TNIP2: variants seen among roughly 807,000 people sequenced by gnomAD.
TNIP2 encodes TNFAIP3-interacting protein 2.
A neutral mutation model predicts 43.7 loss-of-function variants in TNIP2; 30 were observed. That is an observed-to-expected ratio of 0.69 (90% CI 0.51 to 0.93). The LOEUF (loss-of-function observed/expected upper bound fraction) is 0.93. Ranked by LOEUF, TNIP2 falls within the 40% of genes least tolerant of loss-of-function variation. TNIP2 has a pLI of 0.00. For missense variants in TNIP2, 599 were observed against 591.0 expected (o/e 1.01, Z -0.14); for synonymous variants, 260 against 254.6 (o/e 1.02, Z -0.20).
In TNIP2 at chr4:2,745,541, T is replaced by C. The variant is rs1035292274; in HGVS notation, c.568-6A>G. On this transcript the variant is annotated splice_region_variant and splice_polypyrimidine_tract_variant and intron_variant, in intron 2 of 5. Coordinates refer to ENST00000315423, the MANE Select transcript of TNIP2 (RefSeq NM_024309.4). ...TGCCCATCTGTGTGTTCCGACTGCA[T>C]GAGGAAGGGACAGAGAGAAGACACT... 4.4e-6 allele frequency: 7 copies of C among 1,608,178 alleles called. No homozygotes were observed. In the Admixed American group the frequency reaches 1.0e-4, roughly 23 times the overall value.
rs765736105 is a variant in TNIP2, at chr4:2,745,443, C to T, written c.657+3G>A. On this transcript the variant is annotated splice_donor_region_variant and intron_variant, in intron 3 of 5. Coordinates refer to ENST00000315423, the MANE Select transcript of TNIP2 (RefSeq NM_024309.4). ...TCTCAAACGAAATGTGAAAGACACT[C>T]ACGTGAGTCACCTTCTGTTTTAACA... 3 of 1,605,730 alleles carry T rather than the reference C, an allele frequency of 1.9e-6. No individual in the cohort carries two copies. The highest frequency in any genetic ancestry group is 1.7e-5 in the Admixed American group (1 of 59,874).
intron 5 of TNIP2, among the ~76,000 whole-genome samples, chr4:2,743,500 C>A (rs1435745809): frequency 2.6e-5 from 4 of 152,212 alleles, no homozygotes; most frequent in Non-Finnish European, 4.4e-5. Flanking sequence ...GGGTTAGTCC[C>A]ATAGTCCACC....
chr4:2,750,397 G>GATGATTATTATT (rs752280612), intron 1 of TNIP2, among the ~76,000 whole-genome samples: 1 of 145,642 alleles, frequency 6.9e-6, no homozygotes, highest in Admixed American at 6.8e-5. Context: ...CGAGAACCCT[G>GATGATTATTATT]ATTATTATTA....
rs775944936 is a variant in TNIP2 at position 2,747,636 on chromosome 4, T to C, written c.567+19A>G. On this transcript the variant is annotated intron_variant, in intron 2 of 5. Transcript: ENST00000315423. ...GCACACAGAGGTCTTCCCCACACTC[T>C]GCTTACACTGTGGCCTACCTGGTCA... 11 of 1,586,072 alleles carry C rather than the reference T, an allele frequency of 6.9e-6. No homozygotes were observed. Among genetic ancestry groups the C allele is most frequent in the Non-Finnish European group, 6.0e-6 (7 of 1,170,834 alleles).
rs144425522 is a variant in TNIP2 at position 2,742,488 on chromosome 4, G to A, written c.1059C>T (p.His353=). 129 of 1,601,708 alleles carry A rather than the reference G, an allele frequency of 8.1e-5. No homozygotes were observed. In the East Asian group the frequency reaches 2.2e-3, roughly 27 times the overall value. Reference sequence around the variant, plus strand: ...AATACTTGGCAGTTTTGCTCCCAGCGTGAATCCGGCCGGCGTCTGGCTCTC... The same window carrying A: ...AATACTTGGCAGTTTTGCTCCCAGCATGAATCCGGCCGGCGTCTGGCTCTC... ...DSREPDAGRI[H]AGSKTAKYLA... The change falls in exon 6 of 6, where the codon CAC becomes CAT. Residue 353 remains histidine (H), a synonymous_variant. Coordinates refer to ENST00000315423, the MANE Select transcript of TNIP2 (RefSeq NM_024309.4).
At chr4:2,755,751 C>T (rs1426313972) in intron 1 of TNIP2, among the ~76,000 whole-genome samples, 2 of 133,294 alleles carry the variant, frequency 1.5e-5, no homozygotes, top group Non-Finnish European at 3.3e-5. Flanking sequence ...CCCCAGGACC[C>T]GGCACCCCCT....
In TNIP2 at chr4:2,747,745, G is replaced by A. The variant is rs540361276; in HGVS notation, c.477C>T (p.Thr159=). 10 of 1,609,030 alleles carry A rather than the reference G, an allele frequency of 6.2e-6. No homozygotes were observed. The highest frequency in any genetic ancestry group is 2.2e-5 in the South Asian group (2 of 91,088). ...NETHQLRRTL[T]ATAHMCQHLA... ...GATGCTGACACATGTGGGCGGTGGCGGTCAGCGTCCTCCGCAGCTGATGGG... is the reference window on the plus strand; with the variant it reads ...GATGCTGACACATGTGGGCGGTGGCAGTCAGCGTCCTCCGCAGCTGATGGG... The change falls in exon 2 of 6, where the codon ACC becomes ACT. Residue 159 remains threonine (T), a synonymous_variant. Transcript: ENST00000315423.
At chr4:2,745,716 A>C (rs761192491) in intron 2 of TNIP2, among the ~76,000 whole-genome samples, 181 bp from the exon 3 acceptor site, 2 of 152,080 alleles carry the variant, frequency 1.3e-5, no homozygotes, top group African/African-American at 2.4e-5. Flanking sequence ...GCCCAGGCCC[A>C]CCCCACCTGG....
chr4:2,756,278 G>A lies in TNIP2; in HGVS notation c.12C>T (p.Asp4=), dbSNP rs1188480271. 5 of 1,415,690 alleles carry A rather than the reference G, an allele frequency of 3.5e-6. No individual in the cohort carries two copies. In the South Asian group the frequency reaches 4.3e-5, roughly 12 times the overall value. The allele number at this position is 1,415,690 out of a possible 1,614,324, so 87.7% of individuals were successfully genotyped here. A position where few individuals can be genotyped will look rare whatever the true frequency, so the allele number is the denominator to read the frequency against. Reference sequence around the variant, plus strand: ...CCTCCTCCCAGCCGCCCGACCCCGGGTCCCGGGACATGGCTGTAGGCCCGC... The same window carrying A: ...CCTCCTCCCAGCCGCCCGACCCCGGATCCCGGGACATGGCTGTAGGCCCGC... MSR[D]PGSGGWEEAP... The change falls in exon 1 of 6, where the codon GAC becomes GAT. Residue 4 remains aspartate (D), a synonymous_variant. Transcript: ENST00000315423.
chr4:2,751,783 G>C (rs1349476061), intron 1 of TNIP2, among the ~76,000 whole-genome samples: 1 of 149,664 alleles, frequency 6.7e-6, no homozygotes, highest in East Asian at 2.0e-4. Context: ...AGAGGGGAGG[G>C]GAGGGGAGGA....
In TNIP2 at chr4:2,744,935, A is replaced by G. The variant is rs779160334; in HGVS notation, c.668T>C (p.Leu223Pro). 1.2e-6 allele frequency: 2 copies of G among 1,606,160 alleles called. No homozygotes were observed. Among genetic ancestry groups the G allele is most frequent in the Non-Finnish European group, 1.7e-6 (2 of 1,173,840 alleles). The change falls in exon 4 of 6, where the codon CTC becomes CCC. Residue 223 changes from leucine (L) to proline (P), a missense_variant. Physicochemically the swap from Leu to Pro is moderately conservative, Grantham distance 98. Coordinates refer to ENST00000315423, the MANE Select transcript of TNIP2 (RefSeq NM_024309.4). The surrounding 1 kb of genome is among the most constrained non-coding windows in gnomAD (Gnocchi z 5.1). Reference sequence around the variant, plus strand: ...GTTGTAGCGCTGCCACTTGGCATTGAGGTCTTCAACCTGAAGAGGTGGAGC... The same window carrying G: ...GTTGTAGCGCTGCCACTTGGCATTGGGGTCTTCAACCTGAAGAGGTGGAGC... The part of the protein sequence containing the change: ...LKQKVTHVED[L>P]NAKWQRYNAS...
intron 2 of TNIP2, among the ~76,000 whole-genome samples, chr4:2,745,779 G>A (rs1374590387): frequency 1.3e-5 from 2 of 152,256 alleles, no homozygotes; most frequent in African/African-American, 4.8e-5. Context: ...CTTTCACACT[G>A]TCCTTATCCC....
chr4:2,742,565 T>G, intron 5 of TNIP2, 45 bp from the exon 6 acceptor site: 1 of 1,442,054 alleles, frequency 6.9e-7, no homozygotes, highest in Non-Finnish European at 9.2e-7. Flanking sequence ...GTGCTGACGG[T>G]CACAAAGCCA....
At chr4:2,742,757 C>T (rs1257366271) in intron 5 of TNIP2, among the ~76,000 whole-genome samples, 1 of 152,216 alleles carries the variant, frequency 6.6e-6, no homozygotes, top group Non-Finnish European at 1.5e-5. Context: ...GTCCACCCCC[C>T]AGCCCCTTGG....
At chr4:2,754,866 C>G (rs931546497) in intron 1 of TNIP2, among the ~76,000 whole-genome samples, 1 of 152,190 alleles carries the variant, frequency 6.6e-6, no homozygotes, top group African/African-American at 2.4e-5. Context: ...GCTGGGAGCA[C>G]GGGCACGTGC....
At chr4:2,745,199 G>C in intron 3 of TNIP2, 1 of 608,626 alleles carries the variant, frequency 1.6e-6, no homozygotes, top group Non-Finnish European at 2.9e-6. Flanking sequence ...TTAGAAAATG[G>C]ACCTCCTGCT....
At chr4:2,745,637 C>T (rs1721927162) in intron 2 of TNIP2, 102 bp from the exon 3 acceptor site, 6 of 782,076 alleles carry the variant, frequency 7.7e-6, no homozygotes, top group African/African-American at 1.7e-5. Context: ...CTGCGTCCCC[C>T]AGTGCAGCGG....
chr4:2,744,788 A>AT lies in TNIP2; in HGVS notation c.814dup (p.Ile272AsnfsTer3). 1 of 1,612,564 alleles carries AT rather than the reference A, an allele frequency of 6.2e-7. No individual in the cohort carries two copies. The highest frequency in any genetic ancestry group is 8.5e-7 in the Non-Finnish European group (1 of 1,180,006). On this transcript the variant is annotated frameshift_variant, in exon 4 of 6. Coordinates refer to ENST00000315423, the MANE Select transcript of TNIP2 (RefSeq NM_024309.4). LOFTEE classifies it high-confidence loss of function. The surrounding 1 kb of genome is among the most constrained non-coding windows in gnomAD (Gnocchi z 5.1). ...CTGCTTCACTTCGGCACAGTCATTT[A>AT]TTTTCTCTTCCAACTGTCTGTTGAG...
At chr4:2,747,262 T>A (rs1721971896) in intron 2 of TNIP2, among the ~76,000 whole-genome samples, 1 of 152,150 alleles carries the variant, frequency 6.6e-6, no homozygotes, top group South Asian at 2.1e-4. Flanking sequence ...GCACTCCCCA[T>A]CCCCAGCAGT....
Sources: allele counts gnomAD v4.1 joint callset (sites outside exome capture counted in the v4.1 genomes callset), GRCh38; gene constraint gnomAD v4.1.1; non-coding constraint Gnocchi (gnomAD v3.1); transcripts MANE v1.5; gene names NCBI Gene and HGNC (gene_info 2026-07-23, HGNC 2026-07-21).